CPN1: variants seen among roughly 807,000 people sequenced by gnomAD.
CPN1 encodes the protein carboxypeptidase N subunit 1.
In CPN1, 37 loss-of-function variants were observed where a neutral mutation model predicts 46.4. That is an observed-to-expected ratio of 0.80 (90% confidence interval 0.61 to 1.05). The LOEUF (loss-of-function observed/expected upper bound fraction) is 1.05. Ranked by LOEUF, CPN1 falls within the 50% of genes least tolerant of loss-of-function variation. CPN1 has a pLI of 0.00. For missense variants in CPN1, 563 were observed against 602.6 expected (o/e 0.93, Z 0.69); for synonymous variants, 224 against 235.4 (o/e 0.95, Z 0.44).
Position 100,042,580 on chromosome 10 carries a change from G to C in CPN1, c.1231-7C>G. ...TTTTGAGGTGGAAGTTAACCTGGAA[G>C]AAAAAAAGCAGGAGCTACGAGATCC... is the stretch of plus-strand genomic sequence containing the variant. On this transcript the variant is annotated splice_region_variant and splice_polypyrimidine_tract_variant and intron_variant, in intron 8 of 8. Coordinates refer to ENST00000370418, the MANE Select transcript of CPN1 (RefSeq NM_001308.3). The C allele has an allele frequency of 6.2e-7, 1 of 1,613,760 alleles. No homozygotes were observed. Among genetic ancestry groups the C allele is most frequent in the Non-Finnish European group, 8.5e-7 (1 of 1,179,936 alleles).
At chr10:100,070,863 C>T (rs531204937) in intron 2 of CPN1, among the ~76,000 whole-genome samples, 100 of 152,280 alleles carry the variant, frequency 6.6e-4, no homozygotes, top group Middle Eastern at 3.4e-3. Flanking sequence ...AGTATGTTTA[C>T]GGAGTTGTAT....
intron 8 of CPN1, among the ~76,000 whole-genome samples, chr10:100,047,067 CTG>C (rs1241087955): frequency 6.6e-6 from 1 of 150,468 alleles, no homozygotes; most frequent in Non-Finnish European, 1.5e-5. Flanking sequence ...GAGCGAGACT[CTG>C]TCGAAAAAAA....
intron 8 of CPN1, among the ~76,000 whole-genome samples, chr10:100,044,925 G>A (rs2041299646): frequency 6.6e-6 from 1 of 152,116 alleles, no homozygotes; most frequent in African/African-American, 2.4e-5. Flanking sequence ...TGGCCAGGCT[G>A]GTCTCGAATT....
At chr10:100,066,889 T>G (rs1221263775) in intron 3 of CPN1, among the ~76,000 whole-genome samples, 1 of 152,216 alleles carries the variant, frequency 6.6e-6, no homozygotes, top group African/African-American at 2.4e-5. Flanking sequence ...CTTTGTGTCC[T>G]AAGCCTCTAT....
chr10:100,045,697 C>G (rs895522052), intron 8 of CPN1, among the ~76,000 whole-genome samples: 1 of 152,238 alleles, frequency 6.6e-6, no homozygotes, highest in African/African-American at 2.4e-5. Flanking sequence ...TTTATCTTCT[C>G]TAAGCCACAA....
At chr10:100,073,610 CT>C (rs748410671) in intron 2 of CPN1, among the ~76,000 whole-genome samples, 1,367 of 122,448 alleles carry the variant, frequency 0.011, 10 homozygotes, top group African/African-American at 0.032. Context: ...GCTCTTCCAT[CT>C]TTTTTTTTTT....
At chr10:100,057,594 A>T (rs1431165346) in intron 5 of CPN1, among the ~76,000 whole-genome samples, 1 of 152,124 alleles carries the variant, frequency 6.6e-6, no homozygotes, top group Non-Finnish European at 1.5e-5. Flanking sequence ...AAGGGGGGAA[A>T]TAGGATGATT....
At chr10:100,057,225 T>C in intron 5 of CPN1, 73 bp from the exon 6 acceptor site, 1 of 1,528,692 alleles carries the variant, frequency 6.5e-7, no homozygotes, top group Non-Finnish European at 8.8e-7. Flanking sequence ...TCTCTCTCTC[T>C]CTCTTTTTAA....
At position 100,081,555 on chromosome 10, in the gene CPN1, C is replaced by T. The variant is rs758527116; in HGVS notation, c.71G>A (p.Arg24His). ...LFKLVAPVTF[R>H]HHRYDDLVRT... The stretch of plus-strand genomic sequence containing the variant: ...CACAAGATCATCATAGCGGTGGTGG[C>T]GAAAGGTCACCGGGGCAACCAACTT... The change falls in exon 1 of 9, where the codon CGC (arginine) becomes CAC (histidine). Residue 24 changes from arginine to histidine, a missense_variant. Arg to His is a conservative substitution (Grantham distance 29, BLOSUM62 0). Coordinates refer to ENST00000370418, the MANE Select transcript of CPN1 (RefSeq NM_001308.3). The T allele has an allele frequency of 6.2e-7, 1 of 1,614,114 alleles. No homozygotes were observed. The highest frequency in any genetic ancestry group is 1.7e-5 in the Admixed American group (1 of 60,006).
chr10:100,065,091 T>C (rs537480127), intron 4 of CPN1, 97 bp downstream of exon 4: 1 of 1,392,142 alleles, frequency 7.2e-7, no homozygotes, highest in South Asian at 1.4e-5. Flanking sequence ...AATTATTTTC[T>C]GTGGCCTCGC....
chr10:100,063,546 TG>T, intron 5 of CPN1, 67 bp downstream of exon 5: 1 of 1,197,828 alleles, frequency 8.3e-7, no homozygotes. Flanking sequence ...CTGAGAAAAC[TG>T]GGAATTTAGA....
In CPN1 at chr10:100,065,173, T is replaced by C. The variant is rs753709641; in HGVS notation, c.759+15A>G. The C allele has an allele frequency of 1.9e-6, 3 of 1,607,106 alleles. No homozygotes were observed. Among genetic ancestry groups the C allele is most frequent in the Non-Finnish European group, 1.7e-6 (2 of 1,174,506 alleles). On this transcript the variant is annotated intron_variant, in intron 4 of 8. Transcript: ENST00000370418. ...CCCAAGTTCCCCTGGCGGGACAAGCTGCTTCTCCACATACCTTCTGGAAGA... is the reference window on the plus strand; with the variant it reads ...CCCAAGTTCCCCTGGCGGGACAAGCCGCTTCTCCACATACCTTCTGGAAGA...
chr10:100,074,627 G>A (rs2041504000), intron 2 of CPN1, among the ~76,000 whole-genome samples: 1 of 152,108 alleles, frequency 6.6e-6, no homozygotes, highest in African/African-American at 2.4e-5. Context: ...ATGTTGGTCA[G>A]GCTGATCTCG....
chr10:100,054,231 C>T, intron 7 of CPN1, 116 bp downstream of exon 7: 1 of 806,608 alleles, frequency 1.2e-6, no homozygotes, highest in Non-Finnish European at 2.2e-6. Context: ...CCCCCCACTC[C>T]CAGCATCCTT....
At chr10:100,074,684 T>A (rs2041504461) in intron 2 of CPN1, among the ~76,000 whole-genome samples, 1 of 152,128 alleles carries the variant, frequency 6.6e-6, no homozygotes, top group African/African-American at 2.4e-5. Context: ...CCCAAAGTGC[T>A]GGGATTACAG....
intron 1 of CPN1, among the ~76,000 whole-genome samples, chr10:100,077,250 A>AGATG (rs1372317678): frequency 4.7e-5 from 3 of 63,644 alleles, no homozygotes; most frequent in Non-Finnish European, 7.8e-5. Flanking sequence ...TTTTTTTTTG[A>AGATG]GATGGAGTCT....
In CPN1 at chr10:100,042,395, C is replaced by A; in HGVS notation, c.*32G>T. The A allele has an allele frequency of 6.2e-7, 1 of 1,612,124 alleles. No individual in the cohort carries two copies. Among genetic ancestry groups the A allele is most frequent in the Middle Eastern group, 2.1e-4 (1 of 4,672 alleles). ...ATCTGATCTGAGAGCAGGAGCAAAG[C>A]CTTTCTGAAGGGTTGCCTGGCACTG... On this transcript the variant is annotated 3_prime_UTR_variant, in exon 9 of 9. Transcript: ENST00000370418.
At chr10:100,069,632 A>C in intron 3 of CPN1, 82 bp downstream of exon 3, 9 of 1,511,120 alleles carry the variant, frequency 6.0e-6, no homozygotes, top group Non-Finnish European at 8.3e-6. Context: ...TGTTTAGTTG[A>C]TGTAAAGATG....
chr10:100,054,324 A>C, intron 7 of CPN1, 23 bp downstream of exon 7: 3 of 1,579,702 alleles, frequency 1.9e-6, no homozygotes, highest in Non-Finnish European at 2.6e-6. Context: ...CTTCCTTCTT[A>C]CCCCTAAGCA....
Sources: gnomAD v4.1 joint callset for allele counts (sites outside exome capture counted in the v4.1 genomes callset) on GRCh38, gnomAD v4.1.1 for gene constraint, MANE v1.5 for transcripts, NCBI Gene and HGNC (gene_info 2026-07-23, HGNC 2026-07-21) for gene names.